POLA1: variants seen among roughly 807,000 people sequenced by gnomAD.
POLA1 encodes the protein DNA polymerase alpha catalytic subunit.
POLA1 carries 15 observed loss-of-function variants against 124.0 expected under a neutral mutation model. The observed-to-expected ratio is 0.12, with a 90% CI of 0.08 to 0.19. The LOEUF (loss-of-function observed/expected upper bound fraction) is 0.19, where lower values mean the gene tolerates loss of function less well. Ranked by LOEUF, POLA1 falls within the 10% of genes least tolerant of loss-of-function variation. The pLI is 1.00. For synonymous variants in POLA1, 408 were observed against 389.4 expected (o/e 1.05, Z -0.56); for missense variants, 886 against 1,103.4 (o/e 0.80, Z 2.79).
At chrX:24,929,616 G>C (rs1053589747) in intron 35 of POLA1, among the ~76,000 whole-genome samples, 8 of 112,131 alleles carry the variant, frequency 7.1e-5, no homozygotes, top group African/African-American at 1.9e-4. Context: ...TTGTAGGTCA[G>C]TTGATTTAAA....
At chrX:24,732,602 T>TG (rs1284252364) in intron 16 of POLA1, 148 bp downstream of exon 16, 3 of 367,649 alleles carry the variant, frequency 8.2e-6, no homozygotes, top group African/African-American at 2.7e-5. Context: ...TTTTTTTGTT[T>TG]TTTTTTTTTT....
intron 36 of POLA1, among the ~76,000 whole-genome samples, chrX:24,995,207 C>T (rs1019983002): frequency 3.6e-5 from 4 of 111,760 alleles, no homozygotes; most frequent in African/African-American, 1.3e-4. Flanking sequence ...GTGCCGCATA[C>T]CCTGAGTTCA....
intron 34 of POLA1, among the ~76,000 whole-genome samples, chrX:24,850,756 A>G (rs1198885583): frequency 9.0e-6 from 1 of 111,534 alleles, no homozygotes; most frequent in Non-Finnish European, 1.9e-5. Context: ...CCACCCTCCT[A>G]AGTTTTTTGT....
chrX:24,764,074 G>A (rs187529096), intron 26 of POLA1, among the ~76,000 whole-genome samples: 1 of 111,581 alleles, frequency 9.0e-6, no homozygotes, highest in East Asian at 2.8e-4. Flanking sequence ...CTATTAACTA[G>A]TTACTTAACC....
intron 4 of POLA1, among the ~76,000 whole-genome samples, chrX:24,709,232 C>T (rs1487671074): frequency 5.2e-5 from 5 of 96,900 alleles, no homozygotes; most frequent in East Asian, 3.4e-4. Flanking sequence ...GGCGGCTGGC[C>T]GGGCGGGGGG....
intron 26 of POLA1, among the ~76,000 whole-genome samples, chrX:24,801,127 G>T (rs1223199997): frequency 8.9e-6 from 1 of 112,245 alleles, no homozygotes; most frequent in Non-Finnish European, 1.9e-5. Flanking sequence ...ATGGGCCTTT[G>T]TCATTGGAAT....
intron 30 of POLA1, among the ~76,000 whole-genome samples, chrX:24,819,851 C>G (rs983404222): frequency 9.0e-6 from 1 of 110,939 alleles, no homozygotes; most frequent in Non-Finnish European, 1.9e-5. Context: ...GTTCCCCTCC[C>G]TGTGTCCATG....
intron 34 of POLA1, among the ~76,000 whole-genome samples, chrX:24,864,426 C>T (rs1431730892): frequency 8.9e-6 from 1 of 112,090 alleles, no homozygotes; most frequent in Non-Finnish European, 1.9e-5. Context: ...ATATAACGTA[C>T]ACTTTATACA....
chrX:24,835,041 G>C (rs760545479), intron 32 of POLA1, among the ~76,000 whole-genome samples: 1 of 104,842 alleles, frequency 9.5e-6, no homozygotes, highest in East Asian at 3.0e-4. Context: ...ATTTCATTTT[G>C]CATTTCCTTT....
chrX:24,790,911 G>GTATATA (rs56343314), intron 26 of POLA1, among the ~76,000 whole-genome samples: 1,368 of 78,210 alleles, frequency 0.017, 12 homozygotes, highest in Admixed American at 0.024. Flanking sequence ...TTATGTATAT[G>GTATATA]TATATATATA....
At chrX:24,720,731 C>T (rs940768442) in intron 10 of POLA1, among the ~76,000 whole-genome samples, 5 of 112,214 alleles carry the variant, frequency 4.5e-5, no homozygotes, top group African/African-American at 1.6e-4. Flanking sequence ...TTCTACATTT[C>T]GTTTACTGGC....
chrX:24,754,765 A>G (rs1932513968), intron 26 of POLA1, among the ~76,000 whole-genome samples: 1 of 111,690 alleles, frequency 9.0e-6, no homozygotes, highest in Non-Finnish European at 1.9e-5. Context: ...AAAAGTTTTT[A>G]CCATGTATGT....
chrX:24,816,739 G>A (rs2045993430), intron 30 of POLA1, among the ~76,000 whole-genome samples: 1 of 111,501 alleles, frequency 9.0e-6, no homozygotes, highest in South Asian at 3.8e-4. Flanking sequence ...ATGAGTTTGG[G>A]AGTGTCAGTC....
intron 33 of POLA1, among the ~76,000 whole-genome samples, chrX:24,843,283 G>A (rs2046432520): frequency 9.0e-6 from 1 of 111,721 alleles, no homozygotes; most frequent in Non-Finnish European, 1.9e-5. Context: ...TATCCATAGA[G>A]TCCCTCGTAT....
intron 35 of POLA1, among the ~76,000 whole-genome samples, chrX:24,891,770 CTA>C (rs1230816719): frequency 8.9e-6 from 1 of 111,889 alleles, no homozygotes; most frequent in Non-Finnish European, 1.9e-5. Flanking sequence ...ATTTATAAAA[CTA>C]TTTTAACATT....
intron 26 of POLA1, among the ~76,000 whole-genome samples, chrX:24,765,698 CTAATTT>C (rs1351648714): frequency 2.4e-4 from 27 of 111,778 alleles, no homozygotes; most frequent in Non-Finnish European, 1.9e-5. Context: ...TTTTTTCTCA[CTAATTT>C]TATAGGGTGA....
chrX:24,730,950 C>T (rs1353255903), intron 15 of POLA1, among the ~76,000 whole-genome samples: 2 of 112,383 alleles, frequency 1.8e-5, no homozygotes, highest in Admixed American at 9.4e-5. Context: ...GGGGAAGTTT[C>T]TCTTCATAGA....
At chrX:24,733,722 T>G in intron 16 of POLA1, 33 bp from the exon 17 acceptor site, 1 of 778,700 alleles carries the variant, frequency 1.3e-6, no homozygotes, top group Non-Finnish European at 1.9e-6. Flanking sequence ...CTAAGATGGG[T>G]GTTGGAATCT....
chrX:24,724,464 C>A lies in POLA1; in HGVS notation c.1317+13C>A. On this transcript the variant is annotated intron_variant, in intron 12 of 36. Coordinates refer to ENST00000379068, the MANE Select transcript of POLA1 (RefSeq NM_001330360.2). Reference sequence around the variant, plus strand: ...GTTCAAGTCTAAGGTTTGTATTTGGCGATGATTTTTTTCCAGCTCTGTTTG... The same window carrying A: ...GTTCAAGTCTAAGGTTTGTATTTGGAGATGATTTTTTTCCAGCTCTGTTTG... 1 of 774,822 alleles carries A rather than the reference C, an allele frequency of 1.3e-6. No homozygotes were observed. The highest frequency in any genetic ancestry group is 1.9e-6 in the Non-Finnish European group (1 of 523,311). The allele number at this position is 774,822 out of a possible 1,213,427, so 63.9% of individuals were successfully genotyped here.
Sources: gnomAD v4.1 joint callset for allele counts (sites outside exome capture counted in the v4.1 genomes callset) on GRCh38, gnomAD v4.1.1 for gene constraint, MANE v1.5 for transcripts, NCBI Gene and HGNC (gene_info 2026-07-23, HGNC 2026-07-21) for gene names.